The following MAP3K21 variants were observed in gnomAD, a reference collection of about 807,000 sequenced individuals.
MAP3K21 encodes mitogen-activated protein kinase kinase kinase 21, also known as mitogen-activated protein kinase kinase kinase MLK4.
In MAP3K21, 63 loss-of-function variants were observed where a neutral mutation model predicts 86.1. That is an observed-to-expected ratio of 0.73 (90% CI 0.60 to 0.90). The LOEUF (loss-of-function observed/expected upper bound fraction) is 0.90, where lower values mean the gene tolerates loss of function less well. Among genes scored for constraint, MAP3K21 ranks in the 40% least tolerant of loss-of-function variants. The pLI is 0.00. For missense variants in MAP3K21, 1,220 were observed against 1,367.7 expected (o/e 0.89, Z 1.70); for synonymous variants, 558 against 564.8 (o/e 0.99, Z 0.17).
intron 6 of MAP3K21, chr1:233,373,710 T>C (rs958319186): frequency 6.6e-6 from 1 of 152,200 alleles, no homozygotes; most frequent in Non-Finnish European, 1.5e-5. Flanking sequence ...GACAGCCTCA[T>C]TGAGTGGACC....
Position 233,354,988 on chromosome 1 carries a change from G to A in MAP3K21, c.1288G>A (p.Asp430Asn), listed in dbSNP as rs1346537323. ...GAAACTAGAAATTCAACAAATGTTT[G>A]ATGAGTTGAGAACAAAGGAAAAGGT... ...DWKLEIQQMF[D>N]ELRTKEKELR... The change falls in exon 4 of 10, where the codon GAT becomes AAT. Residue 430 changes from aspartate to asparagine, a missense_variant. Physicochemically the swap from Asp to Asn is conservative, Grantham distance 23 (BLOSUM62 1). Around this residue, in one of 5 missense-constraint regions of MAP3K21, gnomAD observed 126 missense variants for 127.7 expected, o/e 0.99. Transcript: ENST00000366624. The A allele has an allele frequency of 1.3e-5, 21 of 1,613,662 alleles. No homozygotes were observed. Among genetic ancestry groups the A allele is most frequent in the Non-Finnish European group, 1.7e-5 (20 of 1,179,776 alleles).
At chr1:233,353,984 T>TG in intron 3 of MAP3K21, 29 bp downstream of exon 3, 1 of 1,440,170 alleles carries the variant, frequency 6.9e-7, no homozygotes. Context: ...TGTGTCTTTG[T>TG]GGGGGCAAGA....
At chr1:233,344,187 A>C (rs181952635) in intron 1 of MAP3K21, among the ~76,000 whole-genome samples, 7 of 152,364 alleles carry the variant, frequency 4.6e-5, no homozygotes, top group Admixed American at 4.6e-4. Flanking sequence ...TGCCATCCCC[A>C]TCAAGCTACC....
chr1:233,328,361 G>C lies in MAP3K21; in HGVS notation c.333G>C (p.Ser111=). Residue 111 remains serine, a synonymous_variant, in exon 1 of 10, where the codon TCG becomes TCC. Coordinates refer to ENST00000366624, the MANE Select transcript of MAP3K21 (RefSeq NM_032435.3). The surrounding 1 kb of genome is among the most constrained non-coding windows in gnomAD (Gnocchi z 8.7). ...RPAASPAPPP[S]RPSSPVHVAF... is the part of the protein sequence containing the mutation. ...CCGCCAGCCCCGCGCCGCCGCCCTC[G>C]CGGCCCAGCTCCCCGGTACACGTCG... The C allele has an allele frequency of 6.8e-7, 1 of 1,469,792 alleles. No homozygotes were observed. Among genetic ancestry groups the C allele is most frequent in the South Asian group, 1.3e-5 (1 of 77,098 alleles). The allele number at this position is 1,469,792 out of a possible 1,614,324, so 91.0% of individuals were successfully genotyped here.
Position 233,328,821 on chromosome 1 carries a change from A to G in MAP3K21, c.793A>G (p.Lys265Glu). 6.6e-7 allele frequency: 1 copy of G among 1,524,068 alleles called. No individual in the cohort carries two copies. Among genetic ancestry groups the G allele is most frequent in the East Asian group, 2.7e-5 (1 of 37,304 alleles). 94.4% of individuals were successfully genotyped at this position (1,524,068 alleles called of 1,614,324 possible). A position where few individuals can be genotyped will look rare whatever the true frequency, so the allele number is the denominator to read the frequency against. The change falls in exon 1 of 10, where the codon AAG (lysine) becomes GAG (glutamate). Residue 265 changes from lysine (K) to glutamate (E), a missense_variant. This residue lies in a region of MAP3K21 where 89 missense variants were observed against 144.8 expected (regional missense o/e 0.61). Transcript: ENST00000366624. This position sits in a 1 kb window ranked among gnomAD's most constrained non-coding sequence, Gnocchi z 8.7. ...CGTGCCCATCCTGCACCGGGACCTC[A>G]AGTCCAGCAACAGTAAGTGGGGCCA... ...AFVPILHRDL[K>E]SSNILLLEKI...
intron 3 of MAP3K21, 73 bp from the exon 4 acceptor site, chr1:233,354,762 TC>T: frequency 1.2e-6 from 1 of 850,288 alleles, no homozygotes; most frequent in Non-Finnish European, 1.7e-6. Flanking sequence ...GAAATACACT[TC>T]AGTGTAAAAC....
intron 5 of MAP3K21, 107 bp from the exon 6 acceptor site, chr1:233,371,931 C>T: frequency 1.9e-6 from 2 of 1,070,424 alleles, no homozygotes; most frequent in African/African-American, 1.6e-5. Flanking sequence ...ATATTCTTTG[C>T]AGTTAGGGTC....
At position 233,328,609 on chromosome 1, in the gene MAP3K21, C is replaced by G; in HGVS notation, c.581C>G (p.Pro194Arg). The G allele has an allele frequency of 6.7e-7, 1 of 1,503,340 alleles. No individual in the cohort carries two copies. Among genetic ancestry groups the G allele is most frequent in the Non-Finnish European group, 8.8e-7 (1 of 1,134,062 alleles). 93.1% of individuals were successfully genotyped at this position (1,503,340 alleles called of 1,614,324 possible). A position where few individuals can be genotyped will look rare whatever the true frequency, so the allele number is the denominator to read the frequency against. ...IELRGVCLQQ[P>R]HLCLVLEFAR... ...CTGCGCGGCGTGTGCCTGCAGCAGCCGCACCTCTGCCTGGTGCTGGAGTTC... is the reference window on the plus strand; with the variant it reads ...CTGCGCGGCGTGTGCCTGCAGCAGCGGCACCTCTGCCTGGTGCTGGAGTTC... The change falls in exon 1 of 10, where the codon CCG becomes CGG. Residue 194 changes from proline (P) to arginine (R), a missense_variant. Physicochemically the swap from Pro to Arg is moderately radical, Grantham distance 103. This residue lies in a region of MAP3K21 where 369 missense variants were observed against 385.3 expected (regional missense o/e 0.96). Coordinates refer to ENST00000366624, the MANE Select transcript of MAP3K21 (RefSeq NM_032435.3). This position sits in a 1 kb window ranked among gnomAD's most constrained non-coding sequence, Gnocchi z 8.7.
In MAP3K21 at chr1:233,376,040, G is replaced by A. The variant is rs764225816; in HGVS notation, c.1800G>A (p.Met600Ile). ...GCTWGPNSIQ[M>I]KDRTDCKERI... ...CCTGGGGACCAAATTCCATTCAAATGAAAGATAGAACAGATTGCAAAGAAA... is the reference window on the plus strand; with the variant it reads ...CCTGGGGACCAAATTCCATTCAAATAAAAGATAGAACAGATTGCAAAGAAA... Residue 600 changes from methionine to isoleucine, a missense_variant, in exon 7 of 10, where the codon ATG (methionine) becomes ATA (isoleucine). Around this residue, in one of 5 missense-constraint regions of MAP3K21, gnomAD observed 632 missense variants for 691.3 expected, o/e 0.91. Coordinates refer to ENST00000366624, the MANE Select transcript of MAP3K21 (RefSeq NM_032435.3). The A allele has an allele frequency of 2.1e-5, 33 of 1,608,336 alleles. No individual in the cohort carries two copies. The highest frequency in any genetic ancestry group is 1.6e-4 in the Middle Eastern group (1 of 6,068).
chr1:233,366,149 C>T lies in MAP3K21; in HGVS notation c.1552+3856C>T, dbSNP rs140841371. Among the ~76,000 whole-genome samples the T allele has an allele frequency of 4.5e-3, 689 of 151,784 alleles. 3 individuals are homozygous for T. The highest frequency in any genetic ancestry group is 0.016 in the African/African-American group (658 of 41,388). On this transcript the variant is annotated intron_variant, in intron 5 of 9. Coordinates refer to ENST00000366624, the MANE Select transcript of MAP3K21 (RefSeq NM_032435.3). Reference sequence around the variant, plus strand: ...TGTGGGAGCGAAAAAAATTGGAGTCCGTGGAAATAGAGAGTAGAATTGTGG... The same window carrying T: ...TGTGGGAGCGAAAAAAATTGGAGTCTGTGGAAATAGAGAGTAGAATTGTGG...
In MAP3K21 at chr1:233,376,477, T is replaced by TA. The variant is rs778242593; in HGVS notation, c.1880dup (p.Asn627LysfsTer19). ...AACAGTCCTTGGTCAACTATCTTAA[T>TA]AAAAAATCAGAAAACCATGCCCTTG... is the stretch of plus-strand genomic sequence containing the variant. On this transcript the variant is annotated frameshift_variant, in exon 8 of 10. Transcript: ENST00000366624. LOFTEE classifies it high-confidence loss of function. 6.2e-7 allele frequency: 1 copy of TA among 1,613,756 alleles called. No homozygotes were observed. The highest frequency in any genetic ancestry group is 8.5e-7 in the Non-Finnish European group (1 of 1,179,844).
intron 1 of MAP3K21, among the ~76,000 whole-genome samples, chr1:233,339,431 T>TCTCCTCCTCCTC (rs1314013444): frequency 2.0e-5 from 1 of 49,182 alleles, no homozygotes; most frequent in Non-Finnish European, 3.5e-5. Context: ...TCCTCCTCCT[T>TCTCCTCCTCCTC]CTCCTCCTCC....
At chr1:233,369,070 T>C (rs999992858) in intron 5 of MAP3K21, among the ~76,000 whole-genome samples, 1 of 152,142 alleles carries the variant, frequency 6.6e-6, no homozygotes, top group Non-Finnish European at 1.5e-5. Context: ...ACTTATTTGC[T>C]TCTATAATCA....
At position 233,376,142 on chromosome 1, in the gene MAP3K21, G is replaced by C. The variant is rs1045361639; in HGVS notation, c.1826+76G>C. 8.5e-6 allele frequency: 11 copies of C among 1,296,016 alleles called. No homozygotes were observed. The Admixed American group carries it at 1.7e-4, about 21-fold the overall frequency. 80.3% of individuals were successfully genotyped at this position (1,296,016 alleles called of 1,614,324 possible). On this transcript the variant is annotated intron_variant, in intron 7 of 9. Coordinates refer to ENST00000366624, the MANE Select transcript of MAP3K21 (RefSeq NM_032435.3). ...TCCTGTGTTAATATCACATCAGCCA[G>C]ACTTTCAAAAAGCAAGTAAATTAAT...
At chr1:233,353,275 A>G (rs903898840) in intron 2 of MAP3K21, among the ~76,000 whole-genome samples, 4 of 152,230 alleles carry the variant, frequency 2.6e-5, no homozygotes, top group African/African-American at 4.8e-5. Context: ...TAGAAACATT[A>G]GTAACACATC....
At chr1:233,331,444 T>A (rs758522572) in intron 1 of MAP3K21, among the ~76,000 whole-genome samples, 13 of 152,340 alleles carry the variant, frequency 8.5e-5, no homozygotes, top group Middle Eastern at 6.8e-3. Flanking sequence ...GTTCAATGAA[T>A]AAATGCAGAT....
At chr1:233,339,268 C>CTTCTTCCTCT (rs1390932387) in intron 1 of MAP3K21, among the ~76,000 whole-genome samples, 7 of 19,852 alleles carry the variant, frequency 3.5e-4, no homozygotes, top group African/African-American at 1.2e-3. Context: ...CTTCTTCTTC[C>CTTCTTCCTCT]TCTTCTTCTT....
At chr1:233,362,562 T>C (rs1023019271) in intron 5 of MAP3K21, among the ~76,000 whole-genome samples, 1 of 152,210 alleles carries the variant, frequency 6.6e-6, no homozygotes, top group African/African-American at 2.4e-5. Context: ...GATTAACTGA[T>C]TGACTCCTTT....
At chr1:233,347,587 G>A (rs1045418391) in intron 2 of MAP3K21, among the ~76,000 whole-genome samples, 1 of 152,158 alleles carries the variant, frequency 6.6e-6, no homozygotes. Flanking sequence ...TTGCAACATG[G>A]ATGCAGCTGG....
Sources: allele counts gnomAD v4.1 joint callset (sites outside exome capture counted in the v4.1 genomes callset), GRCh38; gene constraint gnomAD v4.1.1; regional missense constraint gnomAD v4.1.1; non-coding constraint Gnocchi (gnomAD v3.1); transcripts MANE v1.5; gene names NCBI Gene and HGNC (gene_info 2026-07-23, HGNC 2026-07-21).